The following PRKG1 variants were observed in gnomAD, a reference collection of about 807,000 sequenced individuals.
The protein encoded by PRKG1 is cGMP-dependent protein kinase 1.
Under a neutral mutation model 88.1 loss-of-function variants are expected in PRKG1, and 35 were observed. The ratio of observed to expected loss-of-function variants is 0.40; its 90% CI spans 0.30 to 0.53. The LOEUF (loss-of-function observed/expected upper bound fraction) is 0.53, where lower values mean the gene tolerates loss of function less well. PRKG1 is among the 20% of genes least tolerant of loss of function. The pLI is 0.59. For synonymous variants in PRKG1, 303 were observed against 292.5 expected, an observed-to-expected ratio of 1.04 and a Z score of -0.37; for missense variants, 540 against 839.8, an observed-to-expected ratio of 0.64 and a Z score of 4.41.
chr10:52,172,521 A>G (rs1229546707), intron 9 of PRKG1, among the ~76,000 whole-genome samples: 3 of 152,228 alleles, frequency 2.0e-5, no homozygotes, highest in Admixed American at 6.5e-5. Flanking sequence ...AGCTTGATAT[A>G]TAAAGCCTAT....
chr10:51,142,047 G>C (rs1355778295), intron 1 of PRKG1, among the ~76,000 whole-genome samples: 1 of 151,976 alleles, frequency 6.6e-6, no homozygotes, highest in African/African-American at 2.4e-5. Flanking sequence ...AACAAATTTT[G>C]TGTACTTCAT....
intron 1 of PRKG1, among the ~76,000 whole-genome samples, chr10:51,007,126 AT>A (rs1364461268): frequency 2.0e-5 from 3 of 151,648 alleles, no homozygotes; most frequent in Non-Finnish European, 4.4e-5. Context: ...TTTAGTAGAG[AT>A]GTGGGGGGTG....
chr10:51,349,614 C>T (rs534541905), intron 2 of PRKG1, among the ~76,000 whole-genome samples: 12 of 151,334 alleles, frequency 7.9e-5, no homozygotes, highest in Non-Finnish European at 1.8e-4. Flanking sequence ...TCAAGCGATT[C>T]TCCTGCCTTA....
intron 9 of PRKG1, among the ~76,000 whole-genome samples, chr10:52,215,806 T>C (rs755836331): frequency 4.6e-5 from 7 of 152,188 alleles, no homozygotes; most frequent in Non-Finnish European, 1.0e-4. Flanking sequence ...GATGATAAGG[T>C]AGATATTTAC....
chr10:51,929,464 C>T (rs542465265), intron 5 of PRKG1, among the ~76,000 whole-genome samples: 31 of 151,712 alleles, frequency 2.0e-4, no homozygotes, highest in Admixed American at 4.6e-4. Flanking sequence ...GATTCTCCCA[C>T]CTCAGTCTGT....
intron 5 of PRKG1, among the ~76,000 whole-genome samples, chr10:51,944,197 T>G (rs1294327221): frequency 6.6e-6 from 1 of 151,964 alleles, no homozygotes. Context: ...GTGTAGGTGT[T>G]GAGGAATTTA....
In PRKG1 at chr10:51,728,465, T is replaced by G. The variant is rs532770013; in HGVS notation, c.593-76120T>G. Among the ~76,000 whole-genome samples, 417 of 148,726 alleles carry G rather than the reference T, an allele frequency of 2.8e-3. 5 individuals are homozygous for G. The highest frequency in any genetic ancestry group is 9.5e-3 in the African/African-American group (385 of 40,506). On this transcript the variant is annotated intron_variant, in intron 3 of 17. Coordinates refer to ENST00000373980, the MANE Select transcript of PRKG1 (RefSeq NM_006258.4). ...CCATTTTTTCTTTGTTTTTTTTTTT[T>G]TTTTTTTTTTTTTTTAATCAGAAGC...
chr10:51,840,211 A>G (rs1197124248), intron 4 of PRKG1, among the ~76,000 whole-genome samples: 1 of 152,128 alleles, frequency 6.6e-6, no homozygotes, highest in East Asian at 1.9e-4. Context: ...AACAGAGACC[A>G]CAGGTGGTAT....
intron 3 of PRKG1, among the ~76,000 whole-genome samples, chr10:51,759,494 T>C (rs1354674109): frequency 2.0e-5 from 3 of 152,162 alleles, no homozygotes; most frequent in Non-Finnish European, 4.4e-5. Flanking sequence ...CTCAAACTCC[T>C]GACCTCAGGT....
intron 10 of PRKG1, among the ~76,000 whole-genome samples, chr10:52,256,620 G>C (rs1173417401): frequency 4.3e-5 from 6 of 139,434 alleles, no homozygotes; most frequent in African/African-American, 1.5e-4. Flanking sequence ...TGTTATTGTT[G>C]CTATTATTAT....
At chr10:51,023,616 A>G (rs1843167041) in intron 1 of PRKG1, among the ~76,000 whole-genome samples, 1 of 152,190 alleles carries the variant, frequency 6.6e-6, no homozygotes, top group Non-Finnish European at 1.5e-5. Context: ...TTAAATCATG[A>G]GTATTTGTTT....
intron 1 of PRKG1, among the ~76,000 whole-genome samples, chr10:51,048,065 C>CA (rs779481098): frequency 1.3e-5 from 2 of 152,140 alleles, no homozygotes; most frequent in Non-Finnish European, 2.9e-5. Flanking sequence ...CACATAGAGC[C>CA]ATCTGCTGTC....
Position 51,461,968 on chromosome 10 carries a change from A to C in PRKG1, c.479-5755A>C, listed in dbSNP as rs116349572. On this transcript the variant is annotated intron_variant, in intron 2 of 17. Transcript: ENST00000373980. The stretch of plus-strand genomic sequence containing the variant: ...AGTATGCCTAATCTATTAAGAAAGC[A>C]GATCCACAGATGAACCCCATCTCCC... 1.2e-3 allele frequency among the ~76,000 whole-genome samples: 180 copies of C among 152,350 alleles called. 1 individual carries two copies. Among genetic ancestry groups the C allele is most frequent in the African/African-American group, 4.1e-3 (172 of 41,588 alleles).
chr10:52,095,462 C>T (rs760654167), intron 7 of PRKG1, among the ~76,000 whole-genome samples: 1 of 152,044 alleles, frequency 6.6e-6, no homozygotes, highest in Non-Finnish European at 1.5e-5. Context: ...TTCATTTTCA[C>T]CTCCTAACTG....
intron 5 of PRKG1, among the ~76,000 whole-genome samples, chr10:51,947,518 C>T (rs1843077697): frequency 6.6e-6 from 1 of 151,950 alleles, no homozygotes; most frequent in Admixed American, 6.6e-5. Flanking sequence ...GAACCCGGTA[C>T]CTCAGATGGA....
At chr10:51,947,415 C>G (rs929771841) in intron 5 of PRKG1, among the ~76,000 whole-genome samples, 2 of 152,176 alleles carry the variant, frequency 1.3e-5, no homozygotes, top group African/African-American at 2.4e-5. Context: ...CTTGCACTTC[C>G]CAAGTGAGGC....
At chr10:51,857,732 A>G (rs1840718941) in intron 4 of PRKG1, among the ~76,000 whole-genome samples, 2 of 152,118 alleles carry the variant, frequency 1.3e-5, no homozygotes, top group African/African-American at 4.8e-5. Context: ...CTTTAGAGCC[A>G]GCCAGATTTC....
chr10:51,641,649 TG>T (rs1286394545), intron 3 of PRKG1, among the ~76,000 whole-genome samples: 3 of 151,884 alleles, frequency 2.0e-5, no homozygotes, highest in African/African-American at 7.3e-5. Context: ...TAATTGCGGT[TG>T]TTGCCACTGA....
intron 4 of PRKG1, among the ~76,000 whole-genome samples, chr10:51,832,332 G>A (rs74443779): frequency 0.026 from 4,003 of 152,184 alleles, 165 homozygotes; most frequent in African/African-American, 0.09. Flanking sequence ...TCATGTGCCA[G>A]GTGCATATAG....
Sources: gnomAD v4.1 joint callset for allele counts (sites outside exome capture counted in the v4.1 genomes callset) on GRCh38, gnomAD v4.1.1 for gene constraint, MANE v1.5 for transcripts, NCBI Gene and HGNC (gene_info 2026-07-23, HGNC 2026-07-21) for gene names.